KMT2C: variants seen among roughly 807,000 people sequenced by gnomAD.
KMT2C encodes the protein histone-lysine N-methyltransferase 2C.
KMT2C carries 88 observed loss-of-function variants against 507.9 expected under a neutral mutation model. The observed-to-expected ratio is 0.17, with a 90% CI of 0.15 to 0.21. KMT2C has a LOEUF of 0.21. Ranked by LOEUF, KMT2C falls within the 10% of genes least tolerant of loss-of-function variation. The pLI is 1.00. For missense variants in KMT2C, 4,954 were observed against 5,957.8 expected, an observed-to-expected ratio of 0.83 and a Z score of 5.55; for synonymous variants, 2,049 against 2,080.8, an observed-to-expected ratio of 0.98 and a Z score of 0.42.
At chr7:152,427,172 T>A (rs187148957) in intron 1 of KMT2C, among the ~76,000 whole-genome samples, 78 of 152,180 alleles carry the variant, frequency 5.1e-4, no homozygotes, top group African/African-American at 1.8e-3. Context: ...CCTGCCACCA[T>A]GACTGGCTAA....
intron 34 of KMT2C, 127 bp from the exon 35 acceptor site, chr7:152,183,283 G>A (rs2093493974): frequency 1.8e-5 from 12 of 679,288 alleles, no homozygotes; most frequent in Non-Finnish European, 1.5e-5. Flanking sequence ...AAATACTTAC[G>A]GCACCTCCCA....
At chr7:152,356,313 G>C (rs989047810) in intron 2 of KMT2C, among the ~76,000 whole-genome samples, 2 of 152,184 alleles carry the variant, frequency 1.3e-5, no homozygotes, top group Admixed American at 6.5e-5. Context: ...AGTGGCTCAC[G>C]CCTGTAATCC....
intron 1 of KMT2C, among the ~76,000 whole-genome samples, chr7:152,432,880 C>T (rs919009032): frequency 4.6e-5 from 7 of 152,016 alleles, no homozygotes; most frequent in African/African-American, 1.7e-4. Flanking sequence ...GGTGCGGTGG[C>T]TCACGCCTGT....
Position 152,187,264 on chromosome 7 carries a change from G to C in KMT2C, c.5006C>G (p.Pro1669Arg), listed in dbSNP as rs200711600. The C allele has an allele frequency of 1.5e-4, 247 of 1,611,596 alleles. No individual in the cohort carries two copies. Among genetic ancestry groups the C allele is most frequent in the Non-Finnish European group, 1.5e-4 (171 of 1,177,856 alleles). Residue 1669 changes from proline (P) to arginine (R), a missense_variant and splice_region_variant, in exon 33 of 59, where the codon CCT (proline) becomes CGT (arginine). By Grantham distance (103) the Pro-to-Arg change is moderately radical. Coordinates refer to ENST00000262189, the MANE Select transcript of KMT2C (RefSeq NM_170606.3). Reference protein sequence around the residue: ...INFPNLKEEFPDWTTRVKQIA... With the variant: ...INFPNLKEEFRDWTTRVKQIA... ...GAAATAATATATTCATGGCTTACCAGGGAATTCTTCCTTTAAGTTGGGGAA... is the reference window on the plus strand; with the variant it reads ...GAAATAATATATTCATGGCTTACCACGGAATTCTTCCTTTAAGTTGGGGAA...
At chr7:152,427,610 T>C (rs981631131) in intron 1 of KMT2C, among the ~76,000 whole-genome samples, 1 of 152,218 alleles carries the variant, frequency 6.6e-6, no homozygotes, top group African/African-American at 2.4e-5. Flanking sequence ...GCATCTTGTA[T>C]GTATATGTTG....
At chr7:152,271,953 G>A (rs1399201028) in intron 7 of KMT2C, among the ~76,000 whole-genome samples, 2 of 151,980 alleles carry the variant, frequency 1.3e-5, no homozygotes, top group Admixed American at 1.3e-4. Flanking sequence ...TGCTGAAAAG[G>A]TATGGGGCCA....
Position 152,177,442 on chromosome 7 carries a change from T to C in KMT2C, c.8011A>G (p.Thr2671Ala), listed in dbSNP as rs2129114817. ...GTGGTTATCTGTAAATTATCAGACGTTGTTTCAGACGGTACAGATGTTGAC... is the reference window on the plus strand; with the variant it reads ...GTGGTTATCTGTAAATTATCAGACGCTGTTTCAGACGGTACAGATGTTGAC... ...PLSTSVPSET[T>A]SDNLQITTQP... The change falls in exon 38 of 59, where the codon ACG becomes GCG. Residue 2671 changes from threonine (T) to alanine (A), a missense_variant. By Grantham distance (58) the Thr-to-Ala change is moderately conservative (BLOSUM62 0). This residue lies in a region of KMT2C where 1,689 missense variants were observed against 1,654.3 expected (regional missense o/e 1.02). Transcript: ENST00000262189. 1.2e-6 allele frequency: 2 copies of C among 1,614,172 alleles called. No homozygotes were observed. Among genetic ancestry groups the C allele is most frequent in the Non-Finnish European group, 1.7e-6 (2 of 1,180,006 alleles).
rs116022752 is a variant in KMT2C at position 152,324,355 on chromosome 7, T to C, written c.389+6246A>G. Among the ~76,000 whole-genome samples the C allele has an allele frequency of 1.9e-3, 284 of 151,752 alleles. 1 individual carries two copies. Among genetic ancestry groups the C allele is most frequent in the African/African-American group, 6.6e-3 (272 of 41,490 alleles). ...AGTAACAAATGAGAGTTAATCAAGG[T>C]AATGGATGTTAATTTACTTGATTCA... On this transcript the variant is annotated intron_variant, in intron 3 of 58. Coordinates refer to ENST00000262189, the MANE Select transcript of KMT2C (RefSeq NM_170606.3).
intron 6 of KMT2C, among the ~76,000 whole-genome samples, chr7:152,276,780 A>T (rs1483711961): frequency 1.3e-5 from 2 of 152,014 alleles, no homozygotes; most frequent in Non-Finnish European, 2.9e-5. Flanking sequence ...AAAGGCCCTT[A>T]AATGGTGTAT....
intron 1 of KMT2C, among the ~76,000 whole-genome samples, chr7:152,417,091 AAG>A (rs1255735025): frequency 1.3e-5 from 2 of 152,032 alleles, no homozygotes; most frequent in Admixed American, 6.6e-5. Flanking sequence ...ATCTCAAAAA[AAG>A]AGTTTATATT....
chr7:152,410,197 G>C (rs5004950), intron 1 of KMT2C, among the ~76,000 whole-genome samples: 3 of 115,898 alleles, frequency 2.6e-5, no homozygotes, highest in Admixed American at 8.9e-5. Flanking sequence ...AGATCACGAG[G>C]TCAGCAATTC....
At chr7:152,358,563 T>G (rs2097170942) in intron 2 of KMT2C, 24 bp downstream of exon 2, 1 of 1,404,562 alleles carries the variant, frequency 7.1e-7, no homozygotes, top group South Asian at 1.2e-5. Context: ...TTATACATTC[T>G]TATAAATTCT....
intron 37 of KMT2C, among the ~76,000 whole-genome samples, chr7:152,179,303 A>C (rs1162270583): frequency 6.6e-6 from 1 of 152,226 alleles, no homozygotes; most frequent in African/African-American, 2.4e-5. Flanking sequence ...GCCTAAAATT[A>C]ATTTAGAATG....
At chr7:152,301,202 A>G (rs1277238935) in intron 6 of KMT2C, among the ~76,000 whole-genome samples, 1 of 151,116 alleles carries the variant, frequency 6.6e-6, no homozygotes, top group Non-Finnish European at 1.5e-5. Context: ...TCTCCTAAAA[A>G]AAAAAAAAAA....
intron 43 of KMT2C, among the ~76,000 whole-genome samples, chr7:152,160,404 C>T (rs920142167): frequency 2.0e-5 from 3 of 151,990 alleles, no homozygotes; most frequent in Admixed American, 1.3e-4. Flanking sequence ...TCCTGGTGCT[C>T]CTCACACTTT....
At chr7:152,156,116 G>C in intron 45 of KMT2C, 59 bp from the exon 46 acceptor site, 1 of 1,599,048 alleles carries the variant, frequency 6.3e-7, no homozygotes. Context: ...TAAATGGGTA[G>C]AACTTTACAA....
At chr7:152,263,936 C>T (rs1263470763) in intron 8 of KMT2C, among the ~76,000 whole-genome samples, 1 of 152,102 alleles carries the variant, frequency 6.6e-6, no homozygotes, top group Non-Finnish European at 1.5e-5. Context: ...AGAGAGGAAT[C>T]TCTGAATGAA....
At chr7:152,323,816 A>C (rs2096796510) in intron 3 of KMT2C, among the ~76,000 whole-genome samples, 1 of 127,510 alleles carries the variant, frequency 7.8e-6, no homozygotes, top group South Asian at 3.0e-4. Context: ...AGGGGAGGGG[A>C]AGGGGATTAA....
intron 23 of KMT2C, among the ~76,000 whole-genome samples, chr7:152,210,462 C>A (rs1169709321): frequency 1.3e-5 from 2 of 152,150 alleles, no homozygotes; most frequent in African/African-American, 4.8e-5. Context: ...GCTTGTCCAA[C>A]CTGCAGCCAA....
Sources: gnomAD v4.1 joint callset for allele counts (sites outside exome capture counted in the v4.1 genomes callset) on GRCh38, gnomAD v4.1.1 for gene constraint, gnomAD v4.1.1 regional missense constraint, MANE v1.5 for transcripts, NCBI Gene and HGNC (gene_info 2026-07-23, HGNC 2026-07-21) for gene names.